RXFP2: variants seen among roughly 807,000 people sequenced by gnomAD.
RXFP2 encodes the protein relaxin receptor 2.
In RXFP2, 68 loss-of-function variants were observed where a neutral mutation model predicts 88.6. That is an observed-to-expected ratio of 0.77 (90% CI 0.63 to 0.94). The LOEUF (loss-of-function observed/expected upper bound fraction) is 0.94, where lower values mean the gene tolerates loss of function less well. Among genes scored for constraint, RXFP2 ranks in the 40% least tolerant of loss-of-function variants. The pLI is 0.00. For missense variants in RXFP2, 791 were observed against 893.9 expected, an observed-to-expected ratio of 0.88 and a Z score of 1.47; for synonymous variants, 329 against 306.8, an observed-to-expected ratio of 1.07 and a Z score of -0.76.
In RXFP2 at chr13:31,802,160, T is replaced by C; in HGVS notation, c.2020T>C (p.Trp674Arg). 1 of 1,614,142 alleles carries C rather than the reference T, an allele frequency of 6.2e-7. No individual in the cohort carries two copies. Among genetic ancestry groups the C allele is most frequent in the Non-Finnish European group, 8.5e-7 (1 of 1,180,006 alleles). ...RVEIPDTMTSWIVIFFLPVNS... is the reference protein window; with the variant it reads ...RVEIPDTMTSRIVIFFLPVNS... ...TCCTTTTCCAGACACAATGACTTCC[T>C]GGATAGTGATTTTTTTCCTTCCAGT... Residue 674 changes from tryptophan to arginine, a missense_variant, in exon 18 of 18, where the codon TGG becomes CGG. Transcript: ENST00000298386.
In RXFP2 at chr13:31,797,409, G is replaced by A. The variant is rs1874109135; in HGVS notation, c.1995G>A (p.Val665=). 6.2e-7 allele frequency: 1 copy of A among 1,612,328 alleles called. No homozygotes were observed. Among genetic ancestry groups the A allele is most frequent in the Non-Finnish European group, 8.5e-7 (1 of 1,178,572 alleles). The part of the protein sequence containing the change: ...FVVKILSLFR[V]EIPDTMTSWI... ...TTAAAATCCTTTCCCTCTTCCGGGT[G>A]GAAATACCAGGTCAGTCTCTTCTAT... The change falls in exon 17 of 18, where the codon GTG becomes GTA. Residue 665 remains valine (V), a synonymous_variant. Transcript: ENST00000298386.
intron 9 of RXFP2, among the ~76,000 whole-genome samples, chr13:31,780,093 G>A (rs1428190219): frequency 6.6e-6 from 1 of 152,224 alleles, no homozygotes; most frequent in Non-Finnish European, 1.5e-5. Context: ...AGGGGCATCA[G>A]TCAGCAGGAG....
Position 31,768,599 on chromosome 13 carries a change from GC to G in RXFP2, c.497+2575del, listed in dbSNP as rs572051452. Among the ~76,000 whole-genome samples, 741 of 152,266 alleles carry G rather than the reference GC, an allele frequency of 4.9e-3. 6 individuals carry two copies. Among genetic ancestry groups the G allele is most frequent in the African/African-American group, 0.017 (716 of 41,544 alleles). On this transcript the variant is annotated intron_variant, in intron 5 of 17. Transcript: ENST00000298386. ...ACCTTCTGACCATGCTCCTTTGGAAGCCCACCCACATAGTCCAGGCTCAGAA... is the reference window on the plus strand; with the variant it reads ...ACCTTCTGACCATGCTCCTTTGGAAGCCACCCACATAGTCCAGGCTCAGAA...
chr13:31,776,253 CTTTT>C (rs149978498), intron 7 of RXFP2, among the ~76,000 whole-genome samples: 1 of 84,394 alleles, frequency 1.2e-5, no homozygotes, highest in African/African-American at 4.8e-5. Context: ...CTCTTTCCTT[CTTTT>C]TTTTTTTTTT....
chr13:31,759,833 C>A (rs1401881301), intron 2 of RXFP2, among the ~76,000 whole-genome samples: 1 of 152,046 alleles, frequency 6.6e-6, no homozygotes, highest in Non-Finnish European at 1.5e-5. Context: ...CCTGTCCTGC[C>A]CCTGGGTACT....
intron 3 of RXFP2, among the ~76,000 whole-genome samples, chr13:31,764,383 G>C (rs550995555): frequency 1.3e-5 from 2 of 150,840 alleles, no homozygotes; most frequent in Non-Finnish European, 3.0e-5. Context: ...AGTCCCTTCA[G>C]AGTACATCCT....
At chr13:31,740,867 C>T (rs138046917) in intron 1 of RXFP2, among the ~76,000 whole-genome samples, 1 of 152,084 alleles carries the variant, frequency 6.6e-6, no homozygotes, top group African/African-American at 2.4e-5. Context: ...TTGCAACAAG[C>T]AGTCTATTTC....
chr13:31,783,221 A>G (rs9549083), intron 11 of RXFP2, among the ~76,000 whole-genome samples: 91,597 of 152,024 alleles, frequency 0.6, 27,765 homozygotes, highest in East Asian at 0.77. Flanking sequence ...GCTGAGAATG[A>G]GGGTTAGGCT....
chr13:31,784,021 T>C, intron 11 of RXFP2, among the ~76,000 whole-genome samples: 1 of 141,492 alleles, frequency 7.1e-6, no homozygotes. Context: ...GAGACAGGGT[T>C]TCACCATGTT....
At chr13:31,757,982 C>T (rs1046497108) in intron 1 of RXFP2, among the ~76,000 whole-genome samples, 1 of 152,070 alleles carries the variant, frequency 6.6e-6, no homozygotes, top group Non-Finnish European at 1.5e-5. Context: ...ATCTTGGCTA[C>T]TCGGGAGGCT....
intron 1 of RXFP2, among the ~76,000 whole-genome samples, chr13:31,740,210 G>C (rs1046533328): frequency 1.3e-5 from 2 of 152,024 alleles, no homozygotes; most frequent in African/African-American, 4.8e-5. Context: ...GTTATTAAAA[G>C]TCTATACAAG....
At chr13:31,764,308 A>C in intron 3 of RXFP2, among the ~76,000 whole-genome samples, 1 of 147,680 alleles carries the variant, frequency 6.8e-6, no homozygotes. Context: ...CCTATGGACC[A>C]GCTTGGCCTG....
chr13:31,741,483 C>T (rs971735335), intron 1 of RXFP2, among the ~76,000 whole-genome samples: 2 of 152,022 alleles, frequency 1.3e-5, no homozygotes, highest in Non-Finnish European at 2.9e-5. Flanking sequence ...ACAATTAAAA[C>T]GGTAAGGCTT....
At chr13:31,798,640 A>G (rs1411083838) in intron 17 of RXFP2, among the ~76,000 whole-genome samples, 1 of 152,218 alleles carries the variant, frequency 6.6e-6, no homozygotes, top group South Asian at 2.1e-4. Context: ...GTTGGCCTCC[A>G]TTGCTCATGG....
intron 3 of RXFP2, among the ~76,000 whole-genome samples, chr13:31,763,905 T>C (rs1872421886): frequency 3.9e-5 from 6 of 152,194 alleles, no homozygotes; most frequent in Admixed American, 3.9e-4. Context: ...CATATATGTA[T>C]AGACAACATA....
intron 14 of RXFP2, among the ~76,000 whole-genome samples, chr13:31,791,067 C>T (rs1056611123): frequency 1.3e-5 from 2 of 152,114 alleles, no homozygotes; most frequent in African/African-American, 4.8e-5. Flanking sequence ...AAAGAAGTAG[C>T]AAACGAATAA....
Position 31,761,287 on chromosome 13 carries a change from TA to T in RXFP2, c.242-429del, listed in dbSNP as rs573018793. The stretch of plus-strand genomic sequence containing the variant: ...TTGAGAAACTTTGCTTTTGCTTTAT[TA>T]AAAAAAAGTCAGATGACATAAATGT... On this transcript the variant is annotated intron_variant, in intron 2 of 17. Transcript: ENST00000298386. Among the ~76,000 whole-genome samples, 705 of 152,054 alleles carry T rather than the reference TA, an allele frequency of 4.6e-3. 5 individuals carry two copies. The highest frequency in any genetic ancestry group is 9.6e-3 in the Admixed American group (146 of 15,266).
chr13:31,800,677 A>ACGTGG (rs1874288485), intron 17 of RXFP2, among the ~76,000 whole-genome samples: 3 of 152,366 alleles, frequency 2.0e-5, no homozygotes, highest in South Asian at 2.1e-4. Flanking sequence ...AGTGGAACTT[A>ACGTGG]CGTGGCCTAT....
At chr13:31,760,953 CTTTA>C (rs934903334) in intron 2 of RXFP2, among the ~76,000 whole-genome samples, 2 of 151,626 alleles carry the variant, frequency 1.3e-5, no homozygotes, top group Admixed American at 1.3e-4. Flanking sequence ...ACTCAAAAAC[CTTTA>C]TTTATTTATT....
Sources: allele counts gnomAD v4.1 joint callset (sites outside exome capture counted in the v4.1 genomes callset), GRCh38; gene constraint gnomAD v4.1.1; transcripts MANE v1.5; gene names NCBI Gene and HGNC (gene_info 2026-07-23, HGNC 2026-07-21).